The following EGFLAM variants were observed in gnomAD, a reference collection of about 807,000 sequenced individuals.
EGFLAM encodes pikachurin.
A neutral mutation model predicts 113.1 loss-of-function variants in EGFLAM; 79 were observed. That is an observed-to-expected ratio of 0.70 (90% confidence interval 0.58 to 0.84). EGFLAM has a LOEUF of 0.84. Ranked by LOEUF, EGFLAM falls within the 40% of genes least tolerant of loss-of-function variation. EGFLAM has a pLI of 0.00. For synonymous variants in EGFLAM, 504 were observed against 487.6 expected (o/e 1.03, Z -0.44); for missense variants, 1,265 against 1,291.6 (o/e 0.98, Z 0.32).
rs1186325980 is a variant in EGFLAM, at chr5:38,280,512, T to C, written c.97+21661T>C. 1.3e-5 allele frequency among the ~76,000 whole-genome samples: 2 copies of C among 152,102 alleles called. 1 individual carries two copies. The highest frequency in any genetic ancestry group is 1.3e-4 in the Admixed American group (2 of 15,278). The stretch of plus-strand genomic sequence containing the variant: ...CTTTTCCCCACTTCCCCCCGATTCC[T>C]CTCTCCTTTAGTACAGCTTCACTGG... On this transcript the variant is annotated intron_variant, in intron 1 of 21. Coordinates refer to ENST00000322350, the MANE Select transcript of EGFLAM (RefSeq NM_152403.4).
chr5:38,334,751 T>C (rs1292876225), intron 1 of EGFLAM, among the ~76,000 whole-genome samples: 1 of 152,222 alleles, frequency 6.6e-6, no homozygotes, highest in Non-Finnish European at 1.5e-5. Context: ...CTGGTGGGGC[T>C]GTGTTACTTT....
At chr5:38,339,051 T>C (rs1739266873) in intron 3 of EGFLAM, among the ~76,000 whole-genome samples, 1 of 152,204 alleles carries the variant, frequency 6.6e-6, no homozygotes, top group South Asian at 2.1e-4. Context: ...ACTGCCACCT[T>C]ACAGCTGGTT....
In EGFLAM at chr5:38,370,405, A is replaced by G. The variant is rs549506776; in HGVS notation, c.655A>G (p.Met219Val). 9 of 1,614,214 alleles carry G rather than the reference A, an allele frequency of 5.6e-6. No individual in the cohort carries two copies. In the African/African-American group the frequency reaches 1.2e-4, roughly 22 times the overall value. ...CAACTACCAGTTTGCCGTGAGGGCAATGAATTCCCATGGCCCCAGCCCCCG... is the reference window on the plus strand; with the variant it reads ...CAACTACCAGTTTGCCGTGAGGGCAGTGAATTCCCATGGCCCCAGCCCCCG... ...DTNYQFAVRAMNSHGPSPRSW... is the reference protein window; with the variant it reads ...DTNYQFAVRAVNSHGPSPRSW... Residue 219 changes from methionine (M) to valine (V), a missense_variant, in exon 6 of 22, where the codon ATG becomes GTG. Coordinates refer to ENST00000322350, the MANE Select transcript of EGFLAM (RefSeq NM_152403.4).
intron 6 of EGFLAM, among the ~76,000 whole-genome samples, chr5:38,389,217 A>T (rs1255486035): frequency 3.9e-5 from 6 of 152,212 alleles, no homozygotes; most frequent in Admixed American, 3.9e-4. Context: ...AATTAGAAGC[A>T]TTGATGATTT....
chr5:38,456,124 G>A (rs1218095803), intron 19 of EGFLAM, among the ~76,000 whole-genome samples: 1 of 152,186 alleles, frequency 6.6e-6, no homozygotes, highest in African/African-American at 2.4e-5. Context: ...ACTAAGTGCT[G>A]CCTCTGTTGG....
chr5:38,451,404 G>A lies in EGFLAM; in HGVS notation c.2633G>A (p.Arg878Lys), dbSNP rs1436221867. 6.2e-7 allele frequency: 1 copy of A among 1,614,236 alleles called. No individual in the cohort carries two copies. The highest frequency in any genetic ancestry group is 1.1e-5 in the South Asian group (1 of 91,086). The change falls in exon 19 of 22, where the codon AGA becomes AAA. Residue 878 changes from arginine to lysine, a missense_variant. Physicochemically the swap from Arg to Lys is conservative, Grantham distance 26. Coordinates refer to ENST00000322350, the MANE Select transcript of EGFLAM (RefSeq NM_152403.4). ...CTGTGGAGGGGAGACAGCCCCATGA[G>A]ACCCAACAGCGACTTCATTTCCTTG... is the stretch of plus-strand genomic sequence containing the variant. ...LLLWRGDSPMRPNSDFISLGL... is the reference protein window; with the variant it reads ...LLLWRGDSPMKPNSDFISLGL...
Position 38,425,058 on chromosome 5 carries a change from T to C in EGFLAM, c.1776T>C (p.Cys592=), listed in dbSNP as rs1561084728. 6.2e-7 allele frequency: 1 copy of C among 1,614,088 alleles called. No individual in the cohort carries two copies. ...AIKADSYICL[C]PLGFKGRHCE... is the part of the protein sequence containing the mutation. ...AAGCCGACTCCTACATTTGCCTCTGTCCCCTTGGGTTTAAAGGTCGACACT... is the reference window on the plus strand; with the variant it reads ...AAGCCGACTCCTACATTTGCCTCTGCCCCCTTGGGTTTAAAGGTCGACACT... Residue 592 remains cysteine (C), a synonymous_variant, in exon 13 of 22, where the codon TGT becomes TGC. Coordinates refer to ENST00000322350, the MANE Select transcript of EGFLAM (RefSeq NM_152403.4).
intron 1 of EGFLAM, among the ~76,000 whole-genome samples, chr5:38,332,838 C>A (rs914605501): frequency 1.6e-4 from 24 of 152,168 alleles, no homozygotes; most frequent in Non-Finnish European, 7.3e-5. Flanking sequence ...TGTTCCTTGC[C>A]CTCATTCCGG....
chr5:38,406,066 T>G (rs763477674), intron 6 of EGFLAM, 60 bp from the exon 7 acceptor site: 60 of 1,352,882 alleles, frequency 4.4e-5, no homozygotes, highest in Admixed American at 1.7e-4. Context: ...TGAGTTAGGC[T>G]AGACAATAGT....
chr5:38,445,782 G>A (rs73075497), intron 17 of EGFLAM: 2 of 1,451,524 alleles, frequency 1.4e-6, no homozygotes, highest in African/African-American at 1.4e-5. Context: ...GGGACCCGGG[G>A]TGAGTGGTGT....
intron 6 of EGFLAM, among the ~76,000 whole-genome samples, chr5:38,391,688 C>A (rs1026180946): frequency 6.6e-6 from 1 of 152,154 alleles, no homozygotes; most frequent in African/African-American, 2.4e-5. Flanking sequence ...TGAGCCACTG[C>A]GCCCGGCCTT....
At chr5:38,335,397 C>G (rs1739157847) in intron 1 of EGFLAM, among the ~76,000 whole-genome samples, 1 of 152,192 alleles carries the variant, frequency 6.6e-6, no homozygotes, top group African/African-American at 2.4e-5. Context: ...TTTTGGCCAT[C>G]CAACTTCCCA....
chr5:38,393,991 G>T (rs1395245818), intron 6 of EGFLAM, among the ~76,000 whole-genome samples: 3 of 152,164 alleles, frequency 2.0e-5, no homozygotes, highest in Non-Finnish European at 4.4e-5. Context: ...CTGGAAAGGA[G>T]ATGGGAAGGT....
intron 5 of EGFLAM, among the ~76,000 whole-genome samples, chr5:38,366,875 C>A (rs1740074494): frequency 6.6e-6 from 1 of 152,262 alleles, no homozygotes; most frequent in Admixed American, 6.5e-5. Context: ...AAGATTTCAC[C>A]CAGCCCTGAT....
intron 1 of EGFLAM, among the ~76,000 whole-genome samples, chr5:38,261,292 G>T (rs767284785): frequency 1.8e-4 from 27 of 152,130 alleles, no homozygotes; most frequent in Non-Finnish European, 5.9e-5. Flanking sequence ...CTCTGCATTT[G>T]CCAAGACTTA....
intron 12 of EGFLAM, among the ~76,000 whole-genome samples, chr5:38,418,682 G>A (rs952418623): frequency 4.6e-5 from 7 of 152,124 alleles, no homozygotes; most frequent in East Asian, 1.9e-4. Flanking sequence ...ATTTGTGATC[G>A]CTGTGCCAAA....
At chr5:38,427,427 G>A (rs1742053223) in intron 14 of EGFLAM, 175 bp downstream of exon 14, 1 of 1,059,118 alleles carries the variant, frequency 9.4e-7, no homozygotes, top group Non-Finnish European at 1.3e-6. Context: ...GCTTCCTATA[G>A]AGAGTGCTCT....
At chr5:38,273,624 G>A (rs1757818146) in intron 1 of EGFLAM, among the ~76,000 whole-genome samples, 2 of 152,224 alleles carry the variant, frequency 1.3e-5, no homozygotes, top group South Asian at 4.1e-4. Context: ...ACAGACCTGG[G>A]CTTAGAGGGC....
At chr5:38,463,241 G>A (rs1743350880) in intron 21 of EGFLAM, among the ~76,000 whole-genome samples, 1 of 152,100 alleles carries the variant, frequency 6.6e-6, no homozygotes, top group Non-Finnish European at 1.5e-5. Context: ...GGAAAACCAG[G>A]CTTTTCTTGT....
Sources: allele counts gnomAD v4.1 joint callset (sites outside exome capture counted in the v4.1 genomes callset), GRCh38; gene constraint gnomAD v4.1.1; transcripts MANE v1.5; gene names NCBI Gene and HGNC (gene_info 2026-07-23, HGNC 2026-07-21).